KCNN2: variants seen among roughly 807,000 people sequenced by gnomAD.
KCNN2 encodes small conductance calcium-activated potassium channel protein 2.
KCNN2 carries 24 observed loss-of-function variants against 55.5 expected under a neutral mutation model. The observed-to-expected ratio is 0.43, with a 90% CI of 0.31 to 0.61. The LOEUF (loss-of-function observed/expected upper bound fraction) is 0.61, where lower values mean the gene tolerates loss of function less well. KCNN2 is among the 20% of genes least tolerant of loss of function. KCNN2 has a pLI of 0.08. For missense variants in KCNN2, 754 were observed against 853.6 expected (o/e 0.88, Z 1.45); for synonymous variants, 431 against 336.1 (o/e 1.28, Z -3.09).
chr5:114,231,382 T>C (rs1269672038), intron 2 of KCNN2, among the ~76,000 whole-genome samples: 1 of 134,856 alleles, frequency 7.4e-6, no homozygotes, highest in Non-Finnish European at 1.5e-5. Flanking sequence ...TGAATGGTAA[T>C]GCCTAGGTTT....
At chr5:114,174,325 G>C (rs1315304297) in intron 1 of KCNN2, among the ~76,000 whole-genome samples, 1 of 152,064 alleles carries the variant, frequency 6.6e-6, no homozygotes, top group Non-Finnish European at 1.5e-5. Flanking sequence ...GCCTCCCATA[G>C]TAAGTTTGCT....
chr5:114,484,741 T>C (rs1762374636), intron 5 of KCNN2, among the ~76,000 whole-genome samples: 1 of 152,200 alleles, frequency 6.6e-6, no homozygotes, highest in African/African-American at 2.4e-5. Context: ...CAGTTAAATA[T>C]GATGCCTTAG....
intron 1 of KCNN2, among the ~76,000 whole-genome samples, chr5:114,206,092 G>T (rs1753762923): frequency 6.6e-6 from 1 of 152,086 alleles, no homozygotes; most frequent in African/African-American, 2.4e-5. Flanking sequence ...GTCTTTGATT[G>T]TGTGTGTGTT....
chr5:114,493,323 A>G (rs1373412355), intron 6 of KCNN2, 80 bp from the exon 7 acceptor site: 3 of 898,572 alleles, frequency 3.3e-6, no homozygotes, highest in Non-Finnish European at 5.7e-6. Context: ...GCTCTTGTCA[A>G]TTTTGTGCAT....
chr5:114,105,276 G>A (rs958950287), intron 1 of KCNN2, among the ~76,000 whole-genome samples: 50 of 152,072 alleles, frequency 3.3e-4, no homozygotes, highest in African/African-American at 1.1e-3. Flanking sequence ...ATAAATAACT[G>A]AACCATAAAC....
chr5:114,141,958 G>T (rs543163104), intron 1 of KCNN2, among the ~76,000 whole-genome samples: 2 of 152,104 alleles, frequency 1.3e-5, no homozygotes, highest in Non-Finnish European at 1.5e-5. Context: ...CATATCCTTT[G>T]CCCACTTTTT....
Position 114,463,138 on chromosome 5 carries a change from T to A in KCNN2, c.1727T>A (p.Met576Lys). 1.2e-6 allele frequency: 2 copies of A among 1,613,568 alleles called. No homozygotes were observed. The highest frequency in any genetic ancestry group is 1.7e-6 in the Non-Finnish European group (2 of 1,179,520). ...ITFLSIGYGD[M>K]VPNTYCGKGV... ...TTTCTCTCCATTGGTTATGGTGACA[T>A]GGTACCTAACACATACTGTGGAAAA... is the stretch of plus-strand genomic sequence containing the variant. Residue 576 changes from methionine to lysine, a missense_variant, in exon 4 of 8, where the codon ATG (methionine) becomes AAG (lysine). Physicochemically the swap from Met to Lys is moderately conservative, Grantham distance 95. Around this residue, in one of 4 missense-constraint regions of KCNN2, gnomAD observed 86 missense variants for 233.0 expected, o/e 0.37. Transcript: ENST00000673685.
chr5:114,242,876 A>G (rs951825065), intron 2 of KCNN2, among the ~76,000 whole-genome samples: 3 of 152,190 alleles, frequency 2.0e-5, no homozygotes, highest in South Asian at 2.1e-4. Flanking sequence ...TAAATTGGCC[A>G]TTCTTTTGGC....
At chr5:114,106,958 T>C (rs1386272880) in intron 1 of KCNN2, among the ~76,000 whole-genome samples, 1 of 152,052 alleles carries the variant, frequency 6.6e-6, no homozygotes, top group African/African-American at 2.4e-5. Flanking sequence ...AGTTACAAGG[T>C]CATGAAGATA....
intron 1 of KCNN2, among the ~76,000 whole-genome samples, chr5:114,193,526 C>T (rs534576514): frequency 6.6e-6 from 1 of 152,258 alleles, no homozygotes; most frequent in East Asian, 1.9e-4. Context: ...TATTCAGATT[C>T]TTCTCAACTC....
At chr5:114,369,545 C>G (rs556298623) in intron 2 of KCNN2, among the ~76,000 whole-genome samples, 1 of 152,064 alleles carries the variant, frequency 6.6e-6, no homozygotes, top group African/African-American at 2.4e-5. Flanking sequence ...GGTAAGACTC[C>G]AAAAGATAGT....
At chr5:114,357,486 T>A (rs1254340311), upstream of KCNN2, among the ~76,000 whole-genome samples, 1 of 121,578 alleles carries the variant, frequency 8.2e-6, no homozygotes, top group African/African-American at 3.2e-5. Context: ...AGTGTGATAT[T>A]CCCCTTCCTG....
intron 2 of KCNN2, among the ~76,000 whole-genome samples, chr5:114,274,531 C>T (rs895180296): frequency 3.3e-5 from 5 of 152,062 alleles, no homozygotes; most frequent in Non-Finnish European, 7.4e-5. Context: ...GTTTGTAGTT[C>T]TCTTTGAAGA....
intron 3 of KCNN2, among the ~76,000 whole-genome samples, chr5:114,413,220 C>T (rs1019010063): frequency 1.9e-4 from 29 of 152,052 alleles, no homozygotes; most frequent in African/African-American, 6.5e-4. Context: ...ACCAGTACTC[C>T]CTCAAATTCA....
intron 1 of KCNN2, among the ~76,000 whole-genome samples, chr5:114,215,964 T>TATCC (rs1358576781): frequency 1.8e-4 from 28 of 152,264 alleles, no homozygotes; most frequent in Admixed American, 1.7e-3. Context: ...TTACCCAAAG[T>TATCC]ATCCTCAGGG....
chr5:114,166,960 C>T (rs931724619), intron 1 of KCNN2, among the ~76,000 whole-genome samples: 15 of 152,162 alleles, frequency 9.9e-5, no homozygotes, highest in African/African-American at 3.6e-4. Flanking sequence ...CCTCATCAGA[C>T]AGCGGATCTG....
At chr5:114,071,302 A>G (rs1371718718) in intron 1 of KCNN2, among the ~76,000 whole-genome samples, 1 of 152,192 alleles carries the variant, frequency 6.6e-6, no homozygotes, top group East Asian at 1.9e-4. Context: ...TGGTAGCCCC[A>G]TCACAGCTGC....
chr5:114,316,883 GA>G, intron 2 of KCNN2, among the ~76,000 whole-genome samples: 1 of 152,160 alleles, frequency 6.6e-6, no homozygotes, highest in Non-Finnish European at 1.5e-5. Context: ...ACATGCACAA[GA>G]AAAAGGCAAG....
At chr5:114,198,469 C>G (rs1361868230) in intron 1 of KCNN2, among the ~76,000 whole-genome samples, 1 of 150,604 alleles carries the variant, frequency 6.6e-6, no homozygotes, top group Admixed American at 6.6e-5. Flanking sequence ...CATATACACA[C>G]ACACACACAC....
Sources: allele counts gnomAD v4.1 joint callset (sites outside exome capture counted in the v4.1 genomes callset), GRCh38; gene constraint gnomAD v4.1.1; regional missense constraint gnomAD v4.1.1; transcripts MANE v1.5; gene names NCBI Gene and HGNC (gene_info 2026-07-23, HGNC 2026-07-21).